The following TAB2 variants were observed in gnomAD, a reference collection of about 807,000 sequenced individuals.
TAB2 encodes the protein TGF-beta-activated kinase 1 and MAP3K7-binding protein 2.
TAB2 carries 3 observed loss-of-function variants against 65.0 expected under a neutral mutation model. The observed-to-expected ratio is 0.05, with a 90% confidence interval of 0.02 to 0.12. TAB2 has a LOEUF of 0.12. Ranked by LOEUF, TAB2 falls within the 10% of genes least tolerant of loss-of-function variation. The pLI, the probability that TAB2 is intolerant of heterozygous loss-of-function variation, is 1.00. For missense variants in TAB2, 623 were observed against 840.3 expected (o/e 0.74, Z 3.20); for synonymous variants, 298 against 285.1 (o/e 1.05, Z -0.46).
At chr6:149,233,608 T>G (rs1777445007) in intron 1 of TAB2, among the ~76,000 whole-genome samples, 1 of 152,234 alleles carries the variant, frequency 6.6e-6, no homozygotes, top group Admixed American at 6.5e-5. Context: ...AAATGACTCA[T>G]GGATCTGACA....
At chr6:149,283,562 T>G (rs1168927582) in intron 1 of TAB2, among the ~76,000 whole-genome samples, 1 of 151,664 alleles carries the variant, frequency 6.6e-6, no homozygotes, top group African/African-American at 2.4e-5. Flanking sequence ...ATACAAAAAT[T>G]AGCCAGGCAA....
chr6:149,262,062 T>G (rs1010651513), intron 1 of TAB2, among the ~76,000 whole-genome samples: 3 of 152,184 alleles, frequency 2.0e-5, no homozygotes, highest in African/African-American at 7.2e-5. Flanking sequence ...ACCAGGGAAT[T>G]GTGAGTTAAG....
intron 1 of TAB2, among the ~76,000 whole-genome samples, chr6:149,301,680 G>T (rs780813216): frequency 3.3e-5 from 5 of 152,126 alleles, no homozygotes; most frequent in Admixed American, 6.5e-5. Context: ...TCATTTGAAT[G>T]TTTCCACATA....
chr6:149,273,484 C>T (rs1778401748), intron 1 of TAB2, among the ~76,000 whole-genome samples: 1 of 152,210 alleles, frequency 6.6e-6, no homozygotes. Context: ...AGTGAGTGAA[C>T]TCTGGCAGCA....
chr6:149,282,773 A>G (rs1778597580), intron 1 of TAB2, among the ~76,000 whole-genome samples: 3 of 152,180 alleles, frequency 2.0e-5, no homozygotes, highest in African/African-American at 4.8e-5. Context: ...CAAATCCTAA[A>G]GCTATGATTG....
intron 1 of TAB2, among the ~76,000 whole-genome samples, chr6:149,275,255 A>AGAAT (rs1778443550): frequency 2.1e-5 from 3 of 143,460 alleles, no homozygotes; most frequent in African/African-American, 8.0e-5. Flanking sequence ...AAAGAAAGAA[A>AGAAT]GAAAGAAAGA....
chr6:149,259,372 C>CACACAT (rs1292265894), intron 1 of TAB2, among the ~76,000 whole-genome samples: 2 of 148,522 alleles, frequency 1.3e-5, no homozygotes, highest in African/African-American at 5.0e-5. Flanking sequence ...CACACACACA[C>CACACAT]ATACACACAA....
chr6:149,328,229 G>A (rs183197431), intron 1 of TAB2, among the ~76,000 whole-genome samples: 1 of 152,302 alleles, frequency 6.6e-6, no homozygotes, highest in African/African-American at 2.4e-5. Flanking sequence ...ACATGCTTGT[G>A]CAGAATAGCT....
In TAB2 at chr6:149,379,526, G is replaced by A. The variant is rs763472348; in HGVS notation, c.1603+8G>A. Reference sequence around the variant, plus strand: ...ATGCTGCCTACACACAAGGTAATATGAATACTAAAGGTGGGATGGTTTTCC... The same window carrying A: ...ATGCTGCCTACACACAAGGTAATATAAATACTAAAGGTGGGATGGTTTTCC... On this transcript the variant is annotated splice_region_variant and intron_variant, in intron 3 of 6. Coordinates refer to ENST00000637181, the MANE Select transcript of TAB2 (RefSeq NM_001292034.3). The A allele has an allele frequency of 6.2e-7, 1 of 1,613,946 alleles. No individual in the cohort carries two copies. The highest frequency in any genetic ancestry group is 1.7e-5 in the Admixed American group (1 of 60,020).
At chr6:149,254,541 G>T (rs1221526180) in intron 1 of TAB2, among the ~76,000 whole-genome samples, 1 of 151,746 alleles carries the variant, frequency 6.6e-6, no homozygotes, top group African/African-American at 2.4e-5. Context: ...CAGGCATAAG[G>T]CTCATGGTCA....
chr6:149,403,357 CACACACACACACACACAT>C (rs1438380037), intron 6 of TAB2, among the ~76,000 whole-genome samples: 3 of 142,610 alleles, frequency 2.1e-5, no homozygotes, highest in Non-Finnish European at 3.0e-5. Context: ...CACACACACA[CACACACACACACACACAT>C]ACACATACAC....
At chr6:149,258,362 G>A (rs1464162546) in intron 1 of TAB2, among the ~76,000 whole-genome samples, 1 of 151,072 alleles carries the variant, frequency 6.6e-6, no homozygotes, top group East Asian at 1.9e-4. Context: ...GGAAAATATA[G>A]ACACACAATG....
chr6:149,397,587 A>G lies in TAB2; in HGVS notation c.1604-17A>G. 6.2e-7 allele frequency: 1 copy of G among 1,613,846 alleles called. No individual in the cohort carries two copies. On this transcript the variant is annotated splice_polypyrimidine_tract_variant and intron_variant, in intron 3 of 6. Coordinates refer to ENST00000637181, the MANE Select transcript of TAB2 (RefSeq NM_001292034.3). ...TTAAAGTGGGTGGGTCCTCATGTTT[A>G]CTAATGTGTGTTGCAGCTCTTTTGG...
At chr6:149,314,903 AC>A (rs1329885452), upstream of TAB2, among the ~76,000 whole-genome samples, 2 of 150,014 alleles carry the variant, frequency 1.3e-5, no homozygotes, top group African/African-American at 4.9e-5. Flanking sequence ...TACACAGAGC[AC>A]CTGAAAGCCA....
At chr6:149,366,104 C>T (rs1385598926) in intron 1 of TAB2, among the ~76,000 whole-genome samples, 2 of 151,944 alleles carry the variant, frequency 1.3e-5, no homozygotes, top group African/African-American at 4.8e-5. Flanking sequence ...CATTGGTTGC[C>T]TTTTCTCTTG....
chr6:149,236,805 C>G lies in TAB2; in HGVS notation c.-121+18029C>G, dbSNP rs951856520. Among the ~76,000 whole-genome samples the G allele has an allele frequency of 3.3e-5, 5 of 152,228 alleles. No homozygotes were observed. The South Asian group carries it at 1.0e-3, about 32-fold the overall frequency. On this transcript the variant is annotated intron_variant, in intron 1 of 1. Transcript: ENST00000606202. Reference sequence around the variant, plus strand: ...AATTTTCCCCTTGCATAAAAGGAGACAAGAGCTGTTTGAAGCCATTAACAG... The same window carrying G: ...AATTTTCCCCTTGCATAAAAGGAGAGAAGAGCTGTTTGAAGCCATTAACAG...
chr6:149,292,966 A>G (rs1031283318), intron 1 of TAB2, among the ~76,000 whole-genome samples: 2 of 152,196 alleles, frequency 1.3e-5, no homozygotes, highest in Non-Finnish European at 2.9e-5. Flanking sequence ...GAATAAATTA[A>G]TTTTTCCAGG....
intron 1 of TAB2, among the ~76,000 whole-genome samples, chr6:149,269,315 G>A (rs372464088): frequency 6.6e-6 from 1 of 152,108 alleles, no homozygotes; most frequent in Admixed American, 6.5e-5. Flanking sequence ...AAGAAGTTAC[G>A]CTAGGTTATC....
chr6:149,380,981 G>A (rs1294108393), intron 3 of TAB2, among the ~76,000 whole-genome samples: 2 of 152,092 alleles, frequency 1.3e-5, no homozygotes, highest in Admixed American at 6.5e-5. Context: ...AGTGGCACCC[G>A]CCTGTAGTCC....
Sources: allele counts gnomAD v4.1 joint callset (sites outside exome capture counted in the v4.1 genomes callset), GRCh38; gene constraint gnomAD v4.1.1; transcripts MANE v1.5; gene names NCBI Gene and HGNC (gene_info 2026-07-23, HGNC 2026-07-21).